Variants in SLC24A2 observed in about 807,000 individuals in gnomAD.
SLC24A2 encodes sodium/potassium/calcium exchanger 2.
In SLC24A2, 36 loss-of-function variants were observed where a neutral mutation model predicts 62.0. That is an observed-to-expected ratio of 0.58 (90% CI 0.44 to 0.77). The LOEUF (loss-of-function observed/expected upper bound fraction) is 0.77. SLC24A2 is among the 30% of genes least tolerant of loss of function. The pLI is 0.00. For synonymous variants in SLC24A2, 358 were observed against 294.0 expected, an observed-to-expected ratio of 1.22 and a Z score of -2.23; for missense variants, 846 against 817.9, an observed-to-expected ratio of 1.03 and a Z score of -0.42.
At chr9:19,751,734 A>G (rs984264486) in intron 2 of SLC24A2, among the ~76,000 whole-genome samples, 3 of 152,170 alleles carry the variant, frequency 2.0e-5, no homozygotes, top group Admixed American at 2.0e-4. Flanking sequence ...CTGATATGCC[A>G]ATCTGCCCTT....
At chr9:19,787,431 T>C (rs979340921) in intron 1 of SLC24A2, among the ~76,000 whole-genome samples, 2 of 152,218 alleles carry the variant, frequency 1.3e-5, no homozygotes, top group South Asian at 2.1e-4. Flanking sequence ...TTCAGAACTG[T>C]CTAGGTACTT....
Position 19,514,171 on chromosome 9 carries a change from G to A in SLC24A2, c.*1982C>T, listed in dbSNP as rs1415020521. 1.3e-5 allele frequency: 2 copies of A among 152,234 alleles called. No individual in the cohort carries two copies. Among genetic ancestry groups the A allele is most frequent in the African/African-American group, 2.4e-5 (1 of 41,448 alleles). 9.4% of individuals were successfully genotyped at this position (152,234 alleles called of 1,614,324 possible). ...GCATTTCCTGTTATTGCCATGCTCT[G>A]TGGGGTGAGCTGAGGTTTTCTGGAA... On this transcript the variant is annotated 3_prime_UTR_variant, in exon 11 of 11. Coordinates refer to ENST00000341998, the MANE Select transcript of SLC24A2 (RefSeq NM_020344.4).
the SLC24A2 span, among the ~76,000 whole-genome samples, chr9:20,278,974 G>T: frequency 2.6e-5 from 4 of 152,168 alleles, no homozygotes; most frequent in African/African-American, 9.7e-5. Flanking sequence ...TACAATCATG[G>T]CAGAAGGGGA....
the SLC24A2 span, among the ~76,000 whole-genome samples, chr9:20,153,899 T>C: frequency 6.6e-6 from 1 of 151,802 alleles, no homozygotes; most frequent in African/African-American, 2.4e-5. Flanking sequence ...TTTTAATAAA[T>C]ATTTTTGCTG....
the SLC24A2 span, among the ~76,000 whole-genome samples, chr9:20,073,758 A>G: frequency 6.6e-6 from 1 of 151,980 alleles, no homozygotes; most frequent in East Asian, 1.9e-4. Context: ...TTTGCAGAAA[A>G]TCTAATGGAG....
the SLC24A2 span, among the ~76,000 whole-genome samples, chr9:20,257,281 T>A: frequency 6.6e-6 from 1 of 152,224 alleles, no homozygotes; most frequent in South Asian, 2.1e-4. Flanking sequence ...GGCTTAGAGA[T>A]TTAGGAACAA....
chr9:20,014,324 C>A, the SLC24A2 span, among the ~76,000 whole-genome samples: 2 of 151,940 alleles, frequency 1.3e-5, no homozygotes, highest in South Asian at 4.2e-4. Context: ...TGTAGACAGT[C>A]CTCAAAAGCT....
intron 8 of SLC24A2, among the ~76,000 whole-genome samples, chr9:19,533,780 G>A (rs943408737): frequency 3.3e-5 from 5 of 152,174 alleles, no homozygotes; most frequent in African/African-American, 1.2e-4. Context: ...CACTAGGTTG[G>A]GGTGGTATGT....
chr9:19,991,151 G>C, the SLC24A2 span, among the ~76,000 whole-genome samples: 100 of 152,076 alleles, frequency 6.6e-4, no homozygotes, highest in African/African-American at 2.3e-3. Flanking sequence ...AAGCTGAGGA[G>C]CAAGGAAGCC....
the SLC24A2 span, among the ~76,000 whole-genome samples, chr9:19,955,198 T>C: frequency 6.6e-6 from 1 of 152,124 alleles, no homozygotes; most frequent in South Asian, 2.1e-4. Flanking sequence ...CATAACATAA[T>C]GATGTATCTT....
At chr9:20,224,653 GGAGAA>G in the SLC24A2 span, among the ~76,000 whole-genome samples, 2 of 151,848 alleles carry the variant, frequency 1.3e-5, no homozygotes, top group African/African-American at 4.8e-5. Context: ...AGGGGGAAAG[GGAGAA>G]GAGAAGAGGG....
At chr9:19,974,849 A>G in the SLC24A2 span, among the ~76,000 whole-genome samples, 8 of 152,224 alleles carry the variant, frequency 5.3e-5, no homozygotes, top group Non-Finnish European at 1.2e-4. Context: ...CAAAATGGTC[A>G]GATATTATTT....
At chr9:19,890,368 A>G in the SLC24A2 span, among the ~76,000 whole-genome samples, 2 of 152,246 alleles carry the variant, frequency 1.3e-5, no homozygotes, top group African/African-American at 2.4e-5. Flanking sequence ...ACTGGAGGCT[A>G]TTTTAGAGGA....
chr9:19,690,398 A>G (rs35604022), intron 2 of SLC24A2, among the ~76,000 whole-genome samples: 27,510 of 152,040 alleles, frequency 0.18, 2,642 homozygotes, highest in Middle Eastern at 0.24. Flanking sequence ...ACTGGTAAGA[A>G]GCTGGATACT....
the SLC24A2 span, among the ~76,000 whole-genome samples, chr9:20,064,983 C>G: frequency 6.6e-6 from 1 of 152,138 alleles, no homozygotes; most frequent in South Asian, 2.1e-4. Context: ...GTAGTGAGAA[C>G]AAAATGTGAG....
chr9:20,141,803 G>C, the SLC24A2 span, among the ~76,000 whole-genome samples: 1 of 152,014 alleles, frequency 6.6e-6, no homozygotes, highest in African/African-American at 2.4e-5. Flanking sequence ...ATTTAAAAAG[G>C]CGGGCCACGG....
At chr9:20,103,529 T>C in the SLC24A2 span, among the ~76,000 whole-genome samples, 3 of 152,284 alleles carry the variant, frequency 2.0e-5, no homozygotes, top group East Asian at 3.9e-4. Context: ...GACAACAGCA[T>C]TCGTGGTTTA....
At chr9:19,702,526 A>T (rs1402531147) in intron 2 of SLC24A2, among the ~76,000 whole-genome samples, 1 of 152,210 alleles carries the variant, frequency 6.6e-6, no homozygotes, top group African/African-American at 2.4e-5. Flanking sequence ...ATTACATTTG[A>T]GTATTTTTTA....
chr9:20,187,667 G>T, the SLC24A2 span, among the ~76,000 whole-genome samples: 1 of 152,012 alleles, frequency 6.6e-6, no homozygotes, highest in Admixed American at 6.5e-5. Context: ...TCTGTCCAGG[G>T]GTCACTTCCT....
Sources: allele counts gnomAD v4.1 joint callset (sites outside exome capture counted in the v4.1 genomes callset), GRCh38; gene constraint gnomAD v4.1.1; transcripts MANE v1.5; gene names NCBI Gene and HGNC (gene_info 2026-07-23, HGNC 2026-07-21).